The following ATP5PD variants were observed in gnomAD, a reference collection of about 807,000 sequenced individuals.
The protein encoded by ATP5PD is ATP synthase peripheral stalk subunit d, mitochondrial.
ATP5PD carries 13 observed loss-of-function variants against 22.6 expected under a neutral mutation model. The ratio of observed to expected loss-of-function variants is 0.58; its 90% CI spans 0.37 to 0.91. The LOEUF (loss-of-function observed/expected upper bound fraction) is 0.91, where lower values mean the gene tolerates loss of function less well. Among genes scored for constraint, ATP5PD ranks in the 40% least tolerant of loss-of-function variants. ATP5PD has a pLI of 0.00. For synonymous variants in ATP5PD, 51 were observed against 65.0 expected, an observed-to-expected ratio of 0.79 and a Z score of 1.03; for missense variants, 165 against 188.0, an observed-to-expected ratio of 0.88 and a Z score of 0.72.
chr17:75,043,941 C>G (rs993683739), intron 1 of ATP5PD, among the ~76,000 whole-genome samples: 11 of 152,130 alleles, frequency 7.2e-5, no homozygotes, highest in Non-Finnish European at 1.5e-4. Flanking sequence ...AGGGCTATCC[C>G]CTTCCAACTA....
In ATP5PD at chr17:75,038,928, A is replaced by G. The variant is rs747857577; in HGVS notation, c.*4T>C. On this transcript the variant is annotated 3_prime_UTR_variant, in exon 6 of 6. Transcript: ENST00000301587. ...AGGGCCAGAGCTTCCTCCTGGACTC[A>G]ATTTTATAAATTCTCAATTGGTTGG... 2.5e-5 allele frequency: 40 copies of G among 1,612,148 alleles called. No homozygotes were observed. The South Asian group carries it at 4.4e-4, about 18-fold the overall frequency.
At chr17:75,045,358 T>C (rs2073202892) in intron 1 of ATP5PD, among the ~76,000 whole-genome samples, 1 of 152,222 alleles carries the variant, frequency 6.6e-6, no homozygotes, top group South Asian at 2.1e-4. Context: ...TAACATCTTA[T>C]CAGGAGACAG....
intron 1 of ATP5PD, among the ~76,000 whole-genome samples, chr17:75,046,461 G>C (rs1035949120): frequency 1.3e-5 from 2 of 152,214 alleles, no homozygotes; most frequent in Non-Finnish European, 1.5e-5. Flanking sequence ...GGTGCTCAAT[G>C]AATCTTTCTT....
chr17:75,039,490 C>T, intron 4 of ATP5PD: 1 of 534,438 alleles, frequency 1.9e-6, no homozygotes, highest in Admixed American at 3.2e-5. Context: ...GATGGCAGCA[C>T]CCGGCTGCTT....
intron 4 of ATP5PD, chr17:75,039,563 G>C (rs1197039041): frequency 1.5e-5 from 6 of 404,960 alleles, no homozygotes; most frequent in Non-Finnish European, 2.7e-5. Context: ...GCCACTGAAT[G>C]GTCAGGACAC....
At chr17:75,039,152 G>A (rs2073132368) in intron 5 of ATP5PD, 57 bp downstream of exon 5, 15 of 1,611,572 alleles carry the variant, frequency 9.3e-6, no homozygotes, top group Admixed American at 1.7e-5. Context: ...GGTGAAAGAT[G>A]TGTGGTCATG....
At chr17:75,045,273 G>A (rs950814855) in intron 1 of ATP5PD, among the ~76,000 whole-genome samples, 1 of 152,208 alleles carries the variant, frequency 6.6e-6, no homozygotes, top group South Asian at 2.1e-4. Flanking sequence ...AGTGGAGGCA[G>A]GGTGAGATCA....
intron 1 of ATP5PD, among the ~76,000 whole-genome samples, chr17:75,044,228 TCG>T (rs1156708676): frequency 1.8e-5 from 2 of 110,974 alleles, no homozygotes; most frequent in Admixed American, 7.7e-5. Flanking sequence ...AGACGGAGTC[TCG>T]CTCTGTCGCC....
chr17:75,042,853 C>G (rs1365754542), intron 1 of ATP5PD, among the ~76,000 whole-genome samples, 194 bp from the exon 2 acceptor site: 1 of 151,890 alleles, frequency 6.6e-6, no homozygotes, highest in East Asian at 1.9e-4. Flanking sequence ...TGCACTCCAG[C>G]CTGGGAGACA....
chr17:75,046,516 A>G (rs2073218463), intron 1 of ATP5PD, among the ~76,000 whole-genome samples: 1 of 152,214 alleles, frequency 6.6e-6, no homozygotes, highest in African/African-American at 2.4e-5. Flanking sequence ...TGAACGCTCT[A>G]TACGTTCGAA....
At chr17:75,045,786 G>A (rs2073208924) in intron 1 of ATP5PD, among the ~76,000 whole-genome samples, 1 of 152,120 alleles carries the variant, frequency 6.6e-6, no homozygotes, top group Non-Finnish European at 1.5e-5. Context: ...ACAGGGTCCT[G>A]GAACGATATA....
chr17:75,041,097 A>G (rs34603178), intron 3 of ATP5PD: 20,064 of 150,384 alleles, frequency 0.13, 2,037 homozygotes, highest in East Asian at 0.57. Flanking sequence ...GGTGGCTCAC[A>G]CCTGTACTCC....
chr17:75,038,945 A>G lies in ATP5PD; in HGVS notation c.473T>C (p.Ile158Thr), dbSNP rs756097781. 7 of 1,612,920 alleles carry G rather than the reference A, an allele frequency of 4.3e-6. No homozygotes were observed. The highest frequency in any genetic ancestry group is 1.7e-4 in the Middle Eastern group (1 of 6,038). Residue 158 changes from isoleucine to threonine, a missense_variant, in exon 6 of 6, where the codon ATT becomes ACT. Transcript: ENST00000301587. ...KKYPYWPHQP[I>T]ENL ...CTGGACTCAATTTTATAAATTCTCA[A>G]TTGGTTGGTGAGGCCAATAGGGATA...
chr17:75,042,457 G>A (rs2073171019), intron 2 of ATP5PD, 72 bp downstream of exon 2: 4 of 1,569,342 alleles, frequency 2.5e-6, no homozygotes, highest in Admixed American at 3.9e-5. Context: ...GAATTCATAT[G>A]TAATTCCTTA....
In ATP5PD at chr17:75,042,285, C is replaced by G. The variant is rs375367412; in HGVS notation, c.123-8G>C. The G allele has an allele frequency of 2.4e-5, 39 of 1,612,986 alleles. No individual in the cohort carries two copies. The highest frequency in any genetic ancestry group is 3.3e-5 in the Non-Finnish European group (39 of 1,179,592). On this transcript the variant is annotated splice_region_variant and splice_polypyrimidine_tract_variant and intron_variant, in intron 2 of 5. Coordinates refer to ENST00000301587, the MANE Select transcript of ATP5PD (RefSeq NM_006356.3). ...TCAGGTAAAGCAGCCAACCTGCCCACAAGGAAAGGCAAAAGTTAGGATTGT... is the reference window on the plus strand; with the variant it reads ...TCAGGTAAAGCAGCCAACCTGCCCAGAAGGAAAGGCAAAAGTTAGGATTGT...
chr17:75,042,012 T>G lies in ATP5PD; in HGVS notation c.219+169A>C. 3 of 584,450 alleles carry G rather than the reference T, an allele frequency of 5.1e-6. No individual in the cohort carries two copies. The South Asian group carries it at 6.7e-5, about 13-fold the overall frequency. The allele number at this position is 584,450 out of a possible 1,614,324, so 36.2% of individuals were successfully genotyped here. A position where few individuals can be genotyped will look rare whatever the true frequency, so the allele number is the denominator to read the frequency against. On this transcript the variant is annotated intron_variant, in intron 3 of 5. Coordinates refer to ENST00000301587, the MANE Select transcript of ATP5PD (RefSeq NM_006356.3). ...ACTGCTGAATGAACAGAGCCTAAAT[T>G]CCTGCACCTATTTACAGTTCAATCG...
chr17:75,039,159 C>T (rs773900989), intron 5 of ATP5PD, 50 bp downstream of exon 5: 3 of 1,612,298 alleles, frequency 1.9e-6, no homozygotes, highest in Non-Finnish European at 2.5e-6. Context: ...GATGTGTGGT[C>T]ATGAAAGAGA....
chr17:75,046,548 A>T (rs2073219519), intron 1 of ATP5PD, among the ~76,000 whole-genome samples: 1 of 152,208 alleles, frequency 6.6e-6, no homozygotes, highest in East Asian at 1.9e-4. Flanking sequence ...GCCGAAGGGG[A>T]AGGGCGCAGC....
In ATP5PD at chr17:75,039,032, T is replaced by A; in HGVS notation, c.386A>T (p.Asp129Val). 6.2e-7 allele frequency: 1 copy of A among 1,614,148 alleles called. No individual in the cohort carries two copies. Among genetic ancestry groups the A allele is most frequent in the Non-Finnish European group, 8.5e-7 (1 of 1,180,022 alleles). Reference sequence around the variant, plus strand: ...ATTCAAGTCCTCAATGGTCATCTGATCAAATGGAATTAAGTTCTTCATCTT... The same window carrying A: ...ATTCAAGTCCTCAATGGTCATCTGAACAAATGGAATTAAGTTCTTCATCTT... ...MEKMKNLIPFDQMTIEDLNEA... is the reference protein window; with the variant it reads ...MEKMKNLIPFVQMTIEDLNEA... Residue 129 changes from aspartate to valine, a missense_variant, in exon 6 of 6, where the codon GAT becomes GTT. By Grantham distance (152) the Asp-to-Val change is radical. Transcript: ENST00000301587.
Sources: allele counts gnomAD v4.1 joint callset (sites outside exome capture counted in the v4.1 genomes callset), GRCh38; gene constraint gnomAD v4.1.1; transcripts MANE v1.5; gene names NCBI Gene and HGNC (gene_info 2026-07-23, HGNC 2026-07-21).